Variants in KIF7 observed in about 807,000 individuals in gnomAD.
The protein encoded by KIF7 is kinesin-like protein KIF7.
A neutral mutation model predicts 135.7 loss-of-function variants in KIF7; 104 were observed. That is an observed-to-expected ratio of 0.77 (90% CI 0.65 to 0.90). The LOEUF (loss-of-function observed/expected upper bound fraction) is 0.90. Among genes scored for constraint, KIF7 ranks in the 40% least tolerant of loss-of-function variants. The pLI, the probability that KIF7 is intolerant of heterozygous loss-of-function variation, is 0.00. For synonymous variants in KIF7, 883 were observed against 809.4 expected, an observed-to-expected ratio of 1.09 and a Z score of -1.54; for missense variants, 2,005 against 1,839.1, an observed-to-expected ratio of 1.09 and a Z score of -1.65.
chr15:89,638,829 A>C (rs566449339), intron 11 of KIF7, among the ~76,000 whole-genome samples: 1 of 152,242 alleles, frequency 6.6e-6, no homozygotes, highest in Non-Finnish European at 1.5e-5. Context: ...AAGAGCCTGC[A>C]TCACCAAGTC....
chr15:89,641,725 C>T (rs1385246371), intron 11 of KIF7, among the ~76,000 whole-genome samples: 2 of 152,128 alleles, frequency 1.3e-5, no homozygotes, highest in Admixed American at 6.6e-5. Context: ...CACTTGAACC[C>T]AGGAGGCGGA....
chr15:89,654,244 C>G (rs903489501), intron 1 of KIF7, among the ~76,000 whole-genome samples: 1 of 151,838 alleles, frequency 6.6e-6, no homozygotes, highest in Non-Finnish European at 1.5e-5. Context: ...CTCCTGACCT[C>G]GTGATCTGCC....
upstream of KIF7, among the ~76,000 whole-genome samples, chr15:89,658,642 A>G (rs994477403): frequency 1.3e-5 from 2 of 151,908 alleles, no homozygotes; most frequent in African/African-American, 4.8e-5. Flanking sequence ...GCAGGCAGAT[A>G]ACTTGAGCTG....
chr15:89,633,542 T>C, intron 12 of KIF7, 144 bp downstream of exon 12: 2 of 948,774 alleles, frequency 2.1e-6, no homozygotes, highest in Non-Finnish European at 3.2e-6. Flanking sequence ...CATTTTCAGA[T>C]GAAAAAACAG....
intron 1 of KIF7, among the ~76,000 whole-genome samples, chr15:89,654,458 C>A (rs1388182729): frequency 1.3e-5 from 2 of 152,120 alleles, no homozygotes; most frequent in African/African-American, 4.8e-5. Context: ...CCTCCTCATC[C>A]CTCCCGGCTG....
At chr15:89,661,658 A>C in the KIF7 span, among the ~76,000 whole-genome samples, 3 of 152,206 alleles carry the variant, frequency 2.0e-5, no homozygotes, top group Admixed American at 6.5e-5. Context: ...CAAGGTATGC[A>C]GAAGTTTCCA....
downstream of KIF7, chr15:89,623,721 G>C: frequency 6.2e-7 from 1 of 1,614,028 alleles, no homozygotes; most frequent in Non-Finnish European, 8.5e-7. Context: ...CTCCAGAAAG[G>C]CTGCAGAAGT....
At chr15:89,640,966 G>A (rs1486337055) in intron 11 of KIF7, among the ~76,000 whole-genome samples, 1 of 152,112 alleles carries the variant, frequency 6.6e-6, no homozygotes, top group Non-Finnish European at 1.5e-5. Context: ...TTGCACCACA[G>A]CACTCCAGCC....
Position 89,649,157 on chromosome 15 carries a change from T to G in KIF7, c.740A>C (p.Lys247Thr). The stretch of plus-strand genomic sequence containing the variant: ...GCCCGCCAGGTCCACGAAGTGGAAC[T>G]TGGAGACGAGCAGCTGGCCCGGGGC... ...RPAPGQLLVS[K>T]FHFVDLAGSE... Residue 247 changes from lysine to threonine, a missense_variant, in exon 4 of 19, where the codon AAG becomes ACG. By Grantham distance (78) the Lys-to-Thr change is moderately conservative. Coordinates refer to ENST00000394412, the MANE Select transcript of KIF7 (RefSeq NM_198525.3). The G allele has an allele frequency of 1.3e-6, 2 of 1,548,200 alleles. No individual in the cohort carries two copies. The highest frequency in any genetic ancestry group is 1.7e-6 in the Non-Finnish European group (2 of 1,146,706).
At chr15:89,651,578 A>T (rs189992265) in intron 2 of KIF7, among the ~76,000 whole-genome samples, 14 of 152,358 alleles carry the variant, frequency 9.2e-5, no homozygotes, top group African/African-American at 3.1e-4. Flanking sequence ...AAAAGAATGT[A>T]TATAATATAA....
At chr15:89,627,511 C>T (rs1268216663), downstream of KIF7, 2 of 180,176 alleles carry the variant, frequency 1.1e-5, no homozygotes, top group African/African-American at 2.4e-5. Context: ...AACTGTGAAG[C>T]CATATACGTG....
intron 1 of KIF7, among the ~76,000 whole-genome samples, chr15:89,654,171 G>A (rs1009860428): frequency 4.5e-4 from 69 of 151,978 alleles, no homozygotes; most frequent in Middle Eastern, 3.4e-3. Flanking sequence ...CACCACGCCC[G>A]GCTAATTTTT....
intron 11 of KIF7, among the ~76,000 whole-genome samples, chr15:89,637,531 A>G (rs1276117167): frequency 3.9e-5 from 6 of 152,312 alleles, no homozygotes; most frequent in African/African-American, 1.2e-4. Context: ...ATCAGAGAAT[A>G]CTACAAACAC....
At position 89,649,674 on chromosome 15, in the gene KIF7, T is replaced by C. The variant is rs4932240; in HGVS notation, c.529+67A>G. The stretch of plus-strand genomic sequence containing the variant: ...TTGCCATTCCCAGACAGGTAAGCAC[T>C]CCACTCCAAACAGGTGAAGCCCCCC... On this transcript the variant is annotated intron_variant, in intron 3 of 18. Coordinates refer to ENST00000394412, the MANE Select transcript of KIF7 (RefSeq NM_198525.3). The C allele has an allele frequency of 0.89, 1,332,621 of 1,494,194 alleles. 597,526 individuals are homozygous for C. Among genetic ancestry groups the C allele is most frequent in the Non-Finnish European group, 0.92 (1,017,598 of 1,106,206 alleles). The allele number at this position is 1,494,194 out of a possible 1,614,324, so 92.6% of individuals were successfully genotyped here.
chr15:89,623,694 A>G (rs1215510826), downstream of KIF7: 1 of 1,614,096 alleles, frequency 6.2e-7, no homozygotes, highest in South Asian at 1.1e-5. Flanking sequence ...CTCATACACC[A>G]CAAACTCCGT....
Position 89,628,616 on chromosome 15 carries a change from G to A in KIF7, c.3835C>T (p.Arg1279Cys), listed in dbSNP as rs749221779. Residue 1279 changes from arginine (R) to cysteine (C), a missense_variant, in exon 19 of 19, where the codon CGC becomes TGC. Arg to Cys is a radical substitution (Grantham distance 180). Transcript: ENST00000394412. The part of the protein sequence containing the change: ...VHAPLPLTWK[R>C]SSLCGEEQGS... ...TGCTCCTCACCACACAGGCTCGAGC[G>A]TTTCCAGGTCAAGGGTAACGGAGCG... 1.2e-5 allele frequency: 20 copies of A among 1,613,270 alleles called. No homozygotes were observed. Among genetic ancestry groups the A allele is most frequent in the Middle Eastern group, 1.6e-4 (1 of 6,084 alleles).
Position 89,632,882 on chromosome 15 carries a change from T to A in KIF7, c.2833A>T (p.Lys945Ter). 6.2e-7 allele frequency: 1 copy of A among 1,610,368 alleles called. No homozygotes were observed. Among genetic ancestry groups the A allele is most frequent in the Non-Finnish European group, 8.5e-7 (1 of 1,179,906 alleles). ...ELHKREAILAKKEALMQEKTG... is the reference protein window; with the variant it reads ...ELHKREAILA The stretch of plus-strand genomic sequence containing the variant: ...TTCTCCTGCATCAGGGCCTCCTTCT[T>A]GGCCAGGATGGCCTCCCGCTTGTGG... The change falls in exon 14 of 19, where the codon AAG (lysine) becomes TAG (stop). Residue 945 changes from lysine (K) to a stop codon, truncating the protein, a stop_gained. Coordinates refer to ENST00000394412, the MANE Select transcript of KIF7 (RefSeq NM_198525.3). LOFTEE classifies it high-confidence loss of function.
At chr15:89,656,598 A>G (rs1964209915), upstream of KIF7, among the ~76,000 whole-genome samples, 1 of 152,164 alleles carries the variant, frequency 6.6e-6, no homozygotes, top group South Asian at 2.1e-4. Context: ...GTCATCCACA[A>G]TCTCCACAAC....
intron 11 of KIF7, 92 bp from the exon 12 acceptor site, chr15:89,633,975 G>C (rs1027733334): frequency 7.3e-7 from 1 of 1,364,520 alleles, no homozygotes; most frequent in Non-Finnish European, 1.0e-6. Flanking sequence ...GCAGATAGAG[G>C]GCAAATGGGT....
Sources: gnomAD v4.1 joint callset for allele counts (sites outside exome capture counted in the v4.1 genomes callset) on GRCh38, gnomAD v4.1.1 for gene constraint, MANE v1.5 for transcripts, NCBI Gene and HGNC (gene_info 2026-07-23, HGNC 2026-07-21) for gene names.